Variants in PFKFB3 observed in about 807,000 individuals in gnomAD.
PFKFB3 encodes 6-phosphofructo-2-kinase/fructose-2,6-biphosphatase 3.
PFKFB3 carries 33 observed loss-of-function variants against 68.0 expected under a neutral mutation model. That is an observed-to-expected ratio of 0.49 (90% CI 0.37 to 0.65). The LOEUF is 0.65. Among genes scored for constraint, PFKFB3 ranks in the 30% least tolerant of loss-of-function variants. The probability of loss-of-function intolerance (pLI) is 0.00; values close to 1 mark genes in which losing one functional copy is unlikely to be tolerated. For synonymous variants in PFKFB3, 315 were observed against 288.2 expected, an observed-to-expected ratio of 1.09 and a Z score of -0.94; for missense variants, 586 against 712.2, an observed-to-expected ratio of 0.82 and a Z score of 2.02.
At chr10:6,302,037 G>A in the PFKFB3 span, among the ~76,000 whole-genome samples, 3 of 148,932 alleles carry the variant, frequency 2.0e-5, no homozygotes, top group Admixed American at 2.1e-4. Flanking sequence ...ACATACTTGC[G>A]ATTTTTCTTT....
chr10:6,222,815 A>G (rs747736467), intron 10 of PFKFB3, 40 bp from the exon 11 acceptor site: 1 of 1,579,956 alleles, frequency 6.3e-7, no homozygotes, highest in East Asian at 2.3e-5. Flanking sequence ...GCCCCTCCCG[A>G]GTGCCCTGAG....
the PFKFB3 span, among the ~76,000 whole-genome samples, chr10:6,292,264 T>G: frequency 7.2e-6 from 1 of 138,486 alleles, no homozygotes; most frequent in Admixed American, 7.6e-5. Context: ...GAAACCAGTG[T>G]ACTTTTTTTT....
At chr10:6,162,755 G>A (rs1270935198) in intron 1 of PFKFB3, among the ~76,000 whole-genome samples, 1 of 152,136 alleles carries the variant, frequency 6.6e-6, no homozygotes, top group Non-Finnish European at 1.5e-5. Context: ...GCCCCCTTCA[G>A]CTTTTGAGCT....
intron 1 of PFKFB3, among the ~76,000 whole-genome samples, chr10:6,207,304 G>A (rs139596951): frequency 0.018 from 2,767 of 152,334 alleles, 48 homozygotes; most frequent in African/African-American, 0.041. Flanking sequence ...CAGGCGTGGC[G>A]GCGCCTCCTG....
Position 6,229,298 on chromosome 10 carries a change from C to T in PFKFB3, c.1515+2933C>T. 1 of 406,414 alleles carries T rather than the reference C, an allele frequency of 2.5e-6. No individual in the cohort carries two copies. Among genetic ancestry groups the T allele is most frequent in the Non-Finnish European group, 5.2e-6 (1 of 193,950 alleles). The allele number at this position is 406,414 out of a possible 1,614,324, so 25.2% of individuals were successfully genotyped here. A position where few individuals can be genotyped will look rare whatever the true frequency, so the allele number is the denominator to read the frequency against. ...TGGGAGGTCGGCAGGGCAGTCAGTC[C>T]CCCGTTTAATGGTTGAGGGGCTGAG... On this transcript the variant is annotated intron_variant, in intron 14 of 14. Coordinates refer to ENST00000379775, the MANE Select transcript of PFKFB3 (RefSeq NM_004566.4). The surrounding 1 kb of genome is among the most constrained non-coding windows in gnomAD (Gnocchi z 4.3).
At chr10:6,178,852 C>T (rs957152919) in intron 1 of PFKFB3, among the ~76,000 whole-genome samples, 79 of 152,310 alleles carry the variant, frequency 5.2e-4, no homozygotes, top group Admixed American at 4.4e-3. Context: ...TGAGCCGGGA[C>T]GCAGCGCACT....
intron 1 of PFKFB3, among the ~76,000 whole-genome samples, chr10:6,213,163 G>T (rs1382752182): frequency 2.0e-5 from 3 of 152,160 alleles, no homozygotes; most frequent in African/African-American, 7.2e-5. Flanking sequence ...GTGTGGCTGG[G>T]GGGCTGTGGC....
At position 6,146,175 on chromosome 10, in the gene PFKFB3, C is replaced by CTG. The variant is rs776060616; in HGVS notation, c.16+1165_16+1166dup. The CTG allele has an allele frequency of 3.5e-4, 476 of 1,366,548 alleles. 1 individual carries two copies. In the Middle Eastern group the frequency reaches 0.011, roughly 31 times the overall value. 84.7% of individuals were successfully genotyped at this position (1,366,548 alleles called of 1,614,324 possible). On this transcript the variant is annotated intron_variant, in intron 1 of 14. Transcript: ENST00000379789. ...AGCCTGGCCTCCCCTGGCACTGGGC[C>CTG]TGTGCTGTGCCGTCTCTCCCTTCCC...
chr10:6,290,599 A>T, the PFKFB3 span, among the ~76,000 whole-genome samples: 4 of 151,784 alleles, frequency 2.6e-5, no homozygotes, highest in African/African-American at 9.7e-5. Context: ...CCTGGGTACA[A>T]ATGATTCTTG....
the PFKFB3 span, among the ~76,000 whole-genome samples, chr10:6,274,200 T>TA: frequency 0.016 from 2,246 of 141,512 alleles, 56 homozygotes; most frequent in African/African-American, 0.051. Flanking sequence ...ATCCTATCTC[T>TA]AAAAAAAAAA....
intron 14 of PFKFB3, 71 bp downstream of exon 14, chr10:6,226,436 C>T (rs964251157): frequency 2.0e-5 from 29 of 1,455,724 alleles, no homozygotes; most frequent in South Asian, 5.1e-5. Flanking sequence ...TCTGGGATTG[C>T]GTGCGTGTGT....
rs138221143 is a variant in PFKFB3, at chr10:6,213,714, T to G, written c.168T>G (p.Thr56=). ...RGKTYISKKL[T]RYLNWIGVPT... is the part of the protein sequence containing the mutation. ...AGACCTACATCTCCAAGAAGCTGAC[T>G]CGCTACCTCAACTGGATTGGCGTCC... The change falls in exon 2 of 15, where the codon ACT becomes ACG. Residue 56 remains threonine, a synonymous_variant. Coordinates refer to ENST00000379775, the MANE Select transcript of PFKFB3 (RefSeq NM_004566.4). 432 of 1,613,568 alleles carry G rather than the reference T, an allele frequency of 2.7e-4. 1 individual carries two copies. Among genetic ancestry groups the G allele is most frequent in the Non-Finnish European group, 3.3e-4 (392 of 1,179,792 alleles).
the PFKFB3 span, among the ~76,000 whole-genome samples, chr10:6,288,363 C>T: frequency 1.2e-4 from 13 of 112,122 alleles, no homozygotes; most frequent in African/African-American, 4.4e-4. Context: ...CTCCCCCCAC[C>T]CCACAACAGT....
At chr10:6,249,178 T>TAAAA (rs71391803) in intron 14 of PFKFB3, among the ~76,000 whole-genome samples, 470 of 76,772 alleles carry the variant, frequency 6.1e-3, no homozygotes, top group Middle Eastern at 0.012. Context: ...CCGTCTCAAT[T>TAAAA]AAAAAAAAAA....
At chr10:6,244,735 T>C (rs1336955640) in intron 14 of PFKFB3, among the ~76,000 whole-genome samples, 2 of 148,482 alleles carry the variant, frequency 1.3e-5, no homozygotes, top group Non-Finnish European at 2.9e-5. Context: ...TATAAGCACG[T>C]TGGACTGGAA....
intron 1 of PFKFB3, among the ~76,000 whole-genome samples, chr10:6,194,962 T>C (rs527614539): frequency 3.0e-4 from 46 of 151,684 alleles, no homozygotes; most frequent in African/African-American, 1.0e-3. Context: ...AACCTCCGCC[T>C]CCCAGGTTCG....
the PFKFB3 span, among the ~76,000 whole-genome samples, chr10:6,295,207 G>T: frequency 1.3e-5 from 2 of 151,916 alleles, no homozygotes; most frequent in African/African-American, 4.8e-5. Flanking sequence ...TAGGGTCTTA[G>T]GCTTGTAGAT....
chr10:6,321,666 C>T, the PFKFB3 span, among the ~76,000 whole-genome samples: 2 of 152,206 alleles, frequency 1.3e-5, no homozygotes, highest in Non-Finnish European at 1.5e-5. Context: ...GCAAAAATCA[C>T]TCACTCACCC....
intron 14 of PFKFB3, among the ~76,000 whole-genome samples, chr10:6,247,000 G>A (rs992509637): frequency 6.6e-6 from 1 of 152,202 alleles, no homozygotes; most frequent in East Asian, 1.9e-4. Context: ...GCCCAGACCC[G>A]GACATGCAAC....
Sources: allele counts gnomAD v4.1 joint callset (sites outside exome capture counted in the v4.1 genomes callset), GRCh38; gene constraint gnomAD v4.1.1; non-coding constraint Gnocchi (gnomAD v3.1); transcripts MANE v1.5; gene names NCBI Gene and HGNC (gene_info 2026-07-23, HGNC 2026-07-21).